The following SEMA3A variants were observed in gnomAD, a reference collection of about 807,000 sequenced individuals.
SEMA3A encodes semaphorin 3A.
Under a neutral mutation model 97.9 loss-of-function variants are expected in SEMA3A, and 29 were observed. The ratio of observed to expected loss-of-function variants is 0.30; its 90% CI spans 0.22 to 0.40. The LOEUF is 0.40. Among genes scored for constraint, SEMA3A ranks in the 10% least tolerant of loss-of-function variants. The pLI, the probability that SEMA3A is intolerant of heterozygous loss-of-function variation, is 1.00. For missense variants in SEMA3A, 763 were observed against 951.3 expected (o/e 0.80, Z 2.60); for synonymous variants, 321 against 323.7 (o/e 0.99, Z 0.09).
At chr7:84,217,209 AT>A (rs750853766) in intron 3 of SEMA3A, among the ~76,000 whole-genome samples, 44 of 152,318 alleles carry the variant, frequency 2.9e-4, no homozygotes, top group Non-Finnish European at 5.1e-4. Context: ...GGGAATTTAA[AT>A]TTCATTCATA....
chr7:84,480,945 G>A (rs1361883800), intron 1 of SEMA3A, among the ~76,000 whole-genome samples: 1 of 152,096 alleles, frequency 6.6e-6, no homozygotes, highest in Non-Finnish European at 1.5e-5. Context: ...TTATGAATTG[G>A]AAACACTGAT....
chr7:84,254,343 A>G (rs1799670266), intron 3 of SEMA3A, among the ~76,000 whole-genome samples: 1 of 152,208 alleles, frequency 6.6e-6, no homozygotes, highest in Non-Finnish European at 1.5e-5. Flanking sequence ...GAAAAACAAA[A>G]CAAAACAAAA....
At chr7:84,129,040 C>A in intron 3 of SEMA3A, 83 bp downstream of exon 3, 1 of 1,073,192 alleles carries the variant, frequency 9.3e-7, no homozygotes, top group South Asian at 1.3e-5. Flanking sequence ...ACAAAAAAAT[C>A]AGAAATTTGA....
At chr7:84,004,830 G>A (rs1164601044) in intron 11 of SEMA3A, among the ~76,000 whole-genome samples, 1 of 152,118 alleles carries the variant, frequency 6.6e-6, no homozygotes. Flanking sequence ...TGAAAGTAAC[G>A]ATAGAAACTG....
intron 1 of SEMA3A, among the ~76,000 whole-genome samples, chr7:84,404,014 C>T (rs1405382476): frequency 6.6e-6 from 1 of 152,166 alleles, no homozygotes; most frequent in African/African-American, 2.4e-5. Flanking sequence ...AACACAGCTC[C>T]TCACCAGCAA....
At chr7:84,076,550 C>T (rs1041128888) in intron 4 of SEMA3A, among the ~76,000 whole-genome samples, 1 of 152,000 alleles carries the variant, frequency 6.6e-6, no homozygotes, top group Non-Finnish European at 1.5e-5. Flanking sequence ...CTTAATATGC[C>T]TTTGGAGTTC....
intron 2 of SEMA3A, among the ~76,000 whole-genome samples, chr7:84,310,175 A>G (rs975111573): frequency 6.6e-6 from 1 of 152,126 alleles, no homozygotes; most frequent in African/African-American, 2.4e-5. Flanking sequence ...ATATCACTCT[A>G]ATGCACAGAA....
intron 1 of SEMA3A, among the ~76,000 whole-genome samples, chr7:84,189,956 A>T (rs944917399): frequency 5.9e-5 from 9 of 151,740 alleles, no homozygotes; most frequent in Admixed American, 4.6e-4. Flanking sequence ...TGTCACTGAC[A>T]ATAGTAGAAC....
intron 4 of SEMA3A, among the ~76,000 whole-genome samples, chr7:84,079,337 A>C (rs1044121267): frequency 7.3e-5 from 11 of 151,044 alleles, no homozygotes; most frequent in East Asian, 3.9e-4. Context: ...GCAACAAAAG[A>C]CAAAATTGAC....
chr7:83,998,956 A>G (rs1469927312), intron 12 of SEMA3A, among the ~76,000 whole-genome samples: 2 of 152,146 alleles, frequency 1.3e-5, no homozygotes, highest in Admixed American at 6.6e-5. Flanking sequence ...TCTATATTAT[A>G]GGAGATAACA....
chr7:84,342,052 T>C (rs1802185027), intron 2 of SEMA3A, among the ~76,000 whole-genome samples: 1 of 152,140 alleles, frequency 6.6e-6, no homozygotes, highest in South Asian at 2.1e-4. Context: ...TTTTTTTTTT[T>C]TTGACGGAGT....
chr7:84,332,674 T>TACACAC (rs3048014), intron 2 of SEMA3A, among the ~76,000 whole-genome samples: 23 of 150,036 alleles, frequency 1.5e-4, no homozygotes, highest in South Asian at 4.2e-4. Flanking sequence ...TGTGTGTGTA[T>TACACAC]ACACACACAC....
At chr7:83,994,964 C>G (rs910014325) in intron 12 of SEMA3A, among the ~76,000 whole-genome samples, 3 of 151,918 alleles carry the variant, frequency 2.0e-5, no homozygotes, top group African/African-American at 4.8e-5. Context: ...TAGCAATCAG[C>G]GAGACTCCAT....
intron 3 of SEMA3A, among the ~76,000 whole-genome samples, chr7:84,287,700 C>T (rs1374640669): frequency 6.6e-6 from 1 of 152,060 alleles, no homozygotes; most frequent in Non-Finnish European, 1.5e-5. Flanking sequence ...GTGAAATTAG[C>T]ACCACCAGTA....
intron 4 of SEMA3A, among the ~76,000 whole-genome samples, chr7:84,087,996 G>T (rs560985138): frequency 6.6e-6 from 1 of 152,068 alleles, no homozygotes; most frequent in Non-Finnish European, 1.5e-5. Flanking sequence ...CTGTTTTAGG[G>T]ATCTTGTAGC....
chr7:84,266,313 CAAAAAAAAAAAAAAA>C (rs57809084), intron 3 of SEMA3A, among the ~76,000 whole-genome samples: 3 of 70,484 alleles, frequency 4.3e-5, no homozygotes, highest in African/African-American at 1.7e-4. Flanking sequence ...GATTTGGTCT[CAAAAAAAAAAAAAAA>C]AAAAAAAAAG....
intron 1 of SEMA3A, among the ~76,000 whole-genome samples, chr7:84,485,103 A>T (rs1363914156): frequency 6.6e-6 from 1 of 152,196 alleles, no homozygotes; most frequent in Non-Finnish European, 1.5e-5. Context: ...ACATAAGATA[A>T]TGTAAGCCAC....
chr7:83,968,317 G>C (rs1449120076), intron 15 of SEMA3A, among the ~76,000 whole-genome samples: 1 of 152,282 alleles, frequency 6.6e-6, no homozygotes, highest in East Asian at 1.9e-4. Flanking sequence ...TTTTGGCAGG[G>C]TGTTCCCACC....
At chr7:84,153,002 A>G (rs1020215914) in intron 1 of SEMA3A, among the ~76,000 whole-genome samples, 6 of 152,146 alleles carry the variant, frequency 3.9e-5, no homozygotes, top group Admixed American at 3.9e-4. Flanking sequence ...CCACTTAAAA[A>G]TACTTCTACT....
Sources: gnomAD v4.1 joint callset for allele counts (sites outside exome capture counted in the v4.1 genomes callset) on GRCh38, gnomAD v4.1.1 for gene constraint, MANE v1.5 for transcripts, NCBI Gene and HGNC (gene_info 2026-07-23, HGNC 2026-07-21) for gene names.